The following NREP variants were observed in gnomAD, a reference collection of about 807,000 sequenced individuals.
The protein encoded by NREP is neuronal regeneration-related protein.
In NREP, 5 loss-of-function variants were observed where a neutral mutation model predicts 8.6. The ratio of observed to expected loss-of-function variants is 0.58; its 90% CI spans 0.30 to 1.22. The LOEUF (loss-of-function observed/expected upper bound fraction) is 1.22, where lower values mean the gene tolerates loss of function less well. Ranked by LOEUF, NREP falls within the 50% of genes most tolerant of loss-of-function variation. The pLI, the probability that NREP is intolerant of heterozygous loss-of-function variation, is 0.07. For synonymous variants in NREP, 27 were observed against 28.0 expected, an observed-to-expected ratio of 0.96 and a Z score of 0.11; for missense variants, 86 against 82.5, an observed-to-expected ratio of 1.04 and a Z score of -0.17.
At chr5:111,892,604 TA>T (rs1754420737) in intron 2 of NREP, among the ~76,000 whole-genome samples, 2 of 151,114 alleles carry the variant, frequency 1.3e-5, no homozygotes, top group Admixed American at 1.3e-4. Flanking sequence ...ACTTGTTCTA[TA>T]TTTTTGGAAA....
At chr5:111,749,948 G>C (rs1479228024) in intron 2 of NREP, among the ~76,000 whole-genome samples, 1 of 152,140 alleles carries the variant, frequency 6.6e-6, no homozygotes, top group Non-Finnish European at 1.5e-5. Flanking sequence ...ACCAGAAAGT[G>C]TAAGTGAGTG....
intron 2 of NREP, among the ~76,000 whole-genome samples, chr5:111,946,401 T>A (rs935858678): frequency 2.0e-5 from 3 of 152,072 alleles, no homozygotes; most frequent in Admixed American, 2.0e-4. Context: ...TATGAAGATT[T>A]TCATTTTAAA....
chr5:111,965,691 A>G (rs1463132842), intron 2 of NREP, among the ~76,000 whole-genome samples: 1 of 152,196 alleles, frequency 6.6e-6, no homozygotes, highest in Non-Finnish European at 1.5e-5. Context: ...GACTCTTTTT[A>G]AAACCAAACC....
chr5:111,868,601 T>G (rs888983718), intron 2 of NREP, among the ~76,000 whole-genome samples: 4 of 152,210 alleles, frequency 2.6e-5, no homozygotes, highest in Non-Finnish European at 5.9e-5. Flanking sequence ...GAGGTGAAGA[T>G]GAGAGACAAC....
chr5:111,832,072 T>G (rs911385271), intron 2 of NREP, among the ~76,000 whole-genome samples: 1 of 152,110 alleles, frequency 6.6e-6, no homozygotes, highest in Admixed American at 6.6e-5. Flanking sequence ...TAGGAAATGA[T>G]TTATAACAAA....
chr5:111,763,910 G>A (rs763913671), intron 2 of NREP, among the ~76,000 whole-genome samples: 1 of 152,186 alleles, frequency 6.6e-6, no homozygotes, highest in Non-Finnish European at 1.5e-5. Context: ...CTGGGGAAAT[G>A]CAGAAACATG....
intron 2 of NREP, among the ~76,000 whole-genome samples, chr5:111,819,929 G>A (rs1168808251): frequency 1.3e-5 from 2 of 152,158 alleles, no homozygotes; most frequent in East Asian, 3.9e-4. Context: ...AAGTCTTGAA[G>A]AATGTAAATA....
At chr5:111,838,284 A>G (rs1235603783) in intron 2 of NREP, among the ~76,000 whole-genome samples, 2 of 152,126 alleles carry the variant, frequency 1.3e-5, no homozygotes, top group Non-Finnish European at 2.9e-5. Flanking sequence ...GACTAAGTAC[A>G]TTTCAAGTGT....
At chr5:111,758,093 T>G (rs888454484), upstream of NREP, 2 of 985,376 alleles carry the variant, frequency 2.0e-6, no homozygotes, top group Non-Finnish European at 2.4e-6. Context: ...AAGGATGCAT[T>G]TGCACACGGC....
At chr5:111,796,301 G>C (rs1561669838) in intron 2 of NREP, among the ~76,000 whole-genome samples, 1 of 151,962 alleles carries the variant, frequency 6.6e-6, no homozygotes, top group Non-Finnish European at 1.5e-5. Flanking sequence ...CATCTTTTAA[G>C]GACCCTCGTG....
intron 2 of NREP, among the ~76,000 whole-genome samples, chr5:111,769,946 T>C (rs1321987856): frequency 6.6e-6 from 1 of 152,174 alleles, no homozygotes; most frequent in African/African-American, 2.4e-5. Context: ...TCAGTGAGTA[T>C]TCCTATCAGA....
intron 2 of NREP, among the ~76,000 whole-genome samples, chr5:111,889,188 T>A (rs903469216): frequency 1.3e-5 from 2 of 152,208 alleles, no homozygotes; most frequent in Non-Finnish European, 2.9e-5. Flanking sequence ...TGGTGTCTGC[T>A]TCTGGGGAGG....
chr5:111,949,580 T>C (rs1243172190), intron 2 of NREP, among the ~76,000 whole-genome samples: 1 of 152,006 alleles, frequency 6.6e-6, no homozygotes, highest in African/African-American at 2.4e-5. Flanking sequence ...GCTGCACCCA[T>C]CAACCTGTCA....
chr5:111,869,469 T>C (rs1306719989), intron 2 of NREP, among the ~76,000 whole-genome samples: 1 of 152,204 alleles, frequency 6.6e-6, no homozygotes, highest in Non-Finnish European at 1.5e-5. Context: ...GAATTAATAG[T>C]AGTTAATGAA....
At chr5:111,933,507 T>C (rs1755600116) in intron 2 of NREP, among the ~76,000 whole-genome samples, 1 of 152,124 alleles carries the variant, frequency 6.6e-6, no homozygotes, top group African/African-American at 2.4e-5. Flanking sequence ...GACTCCTTTT[T>C]GGCTTATTAG....
intron 2 of NREP, among the ~76,000 whole-genome samples, chr5:111,968,504 G>A (rs1001763331): frequency 6.6e-6 from 1 of 152,176 alleles, no homozygotes; most frequent in South Asian, 2.1e-4. Context: ...CTTACTAGGG[G>A]AGAACCAGGA....
intron 2 of NREP, among the ~76,000 whole-genome samples, chr5:111,765,654 C>A (rs1293255484): frequency 6.6e-6 from 1 of 152,214 alleles, no homozygotes; most frequent in Non-Finnish European, 1.5e-5. Context: ...AGTCTCTTAA[C>A]CGTCATGCTC....
intron 2 of NREP, among the ~76,000 whole-genome samples, chr5:111,869,453 G>A (rs62371612): frequency 0.029 from 4,415 of 152,276 alleles, 108 homozygotes; most frequent in Non-Finnish European, 0.042. Context: ...TCGTACAGCT[G>A]CTTTTGAATT....
At chr5:111,913,617 G>T (rs1422607404) in intron 2 of NREP, among the ~76,000 whole-genome samples, 1 of 152,062 alleles carries the variant, frequency 6.6e-6, no homozygotes, top group Admixed American at 6.6e-5. Context: ...AAAGATAAAA[G>T]GAGGAACTAA....
Sources: gnomAD v4.1 joint callset for allele counts (sites outside exome capture counted in the v4.1 genomes callset) on GRCh38, gnomAD v4.1.1 for gene constraint, MANE v1.5 for transcripts, NCBI Gene and HGNC (gene_info 2026-07-23, HGNC 2026-07-21) for gene names.